Variants in OLFML2B observed in about 807,000 individuals in gnomAD.
The protein encoded by OLFML2B is olfactomedin-like protein 2B.
In OLFML2B, 57 loss-of-function variants were observed where a neutral mutation model predicts 74.9. That is an observed-to-expected ratio of 0.76 (90% CI 0.61 to 0.95). The LOEUF is 0.95. OLFML2B is among the 40% of genes least tolerant of loss of function. The probability of loss-of-function intolerance (pLI) is 0.00; values close to 1 mark genes in which losing one functional copy is unlikely to be tolerated. For synonymous variants in OLFML2B, 388 were observed against 405.8 expected, an observed-to-expected ratio of 0.96 and a Z score of 0.53; for missense variants, 986 against 970.6, an observed-to-expected ratio of 1.02 and a Z score of -0.21.
intron 3 of OLFML2B, among the ~76,000 whole-genome samples, chr1:162,013,706 T>C (rs1295685286): frequency 6.6e-6 from 1 of 152,112 alleles, no homozygotes; most frequent in Non-Finnish European, 1.5e-5. Flanking sequence ...GGAATGTCCA[T>C]AGGGCTATTC....
At chr1:162,015,145 A>G (rs1690495985) in intron 3 of OLFML2B, among the ~76,000 whole-genome samples, 1 of 152,234 alleles carries the variant, frequency 6.6e-6, no homozygotes, top group African/African-American at 2.4e-5. Flanking sequence ...ATTATTATTA[A>G]GGTCCAATCT....
intron 3 of OLFML2B, among the ~76,000 whole-genome samples, chr1:162,012,903 CTGTT>C (rs1342205090): frequency 3.9e-5 from 6 of 152,192 alleles, no homozygotes; most frequent in African/African-American, 1.4e-4. Flanking sequence ...ATCTGTCCCT[CTGTT>C]TGTCTTTTTC....
chr1:162,015,861 C>T (rs1418820121), intron 3 of OLFML2B, among the ~76,000 whole-genome samples: 6 of 152,154 alleles, frequency 3.9e-5, no homozygotes, highest in Admixed American at 3.9e-4. Context: ...GAGGCTGATG[C>T]GGTTCTGTTG....
chr1:161,998,474 G>C (rs1689988559), intron 5 of OLFML2B, 125 bp from the exon 6 acceptor site: 4 of 1,051,194 alleles, frequency 3.8e-6, no homozygotes, highest in Non-Finnish European at 5.5e-6. Context: ...TTGAGTTACA[G>C]AGGGGGCCTG....
intron 6 of OLFML2B, 172 bp from the exon 7 acceptor site, chr1:161,985,152 C>G (rs144866182): frequency 5.2e-5 from 30 of 581,038 alleles, no homozygotes; most frequent in African/African-American, 4.6e-4. Context: ...CCCTGATCCA[C>G]CCTACACTTG....
At chr1:162,009,963 C>T (rs1055619417) in intron 3 of OLFML2B, among the ~76,000 whole-genome samples, 3 of 152,244 alleles carry the variant, frequency 2.0e-5, no homozygotes, top group African/African-American at 7.2e-5. Flanking sequence ...AGGCTCTTCC[C>T]CCTGGGACAG....
chr1:161,998,442 T>A (rs1469068063), intron 5 of OLFML2B, 93 bp from the exon 6 acceptor site: 3 of 1,413,030 alleles, frequency 2.1e-6, no homozygotes, highest in Non-Finnish European at 2.9e-6. Flanking sequence ...AATTAGAGGG[T>A]GCCTTTCCTT....
At chr1:161,997,616 A>G (rs1689948757) in intron 6 of OLFML2B, among the ~76,000 whole-genome samples, 1 of 152,218 alleles carries the variant, frequency 6.6e-6, no homozygotes, top group African/African-American at 2.4e-5. Flanking sequence ...CTATTTTAGG[A>G]AAAAAGAGTC....
intron 1 of OLFML2B, among the ~76,000 whole-genome samples, chr1:162,021,612 G>A (rs2101982890): frequency 6.6e-6 from 1 of 152,318 alleles, no homozygotes; most frequent in Non-Finnish European, 1.5e-5. Flanking sequence ...GCAAAGATTG[G>A]GTTTCTTCTA....
chr1:161,991,638 A>G (rs559207305), intron 6 of OLFML2B, among the ~76,000 whole-genome samples: 1 of 152,326 alleles, frequency 6.6e-6, no homozygotes, highest in Non-Finnish European at 1.5e-5. Context: ...TGGGAGGCTG[A>G]GGCAGGAGAA....
At chr1:161,992,045 A>G (rs1257934523) in intron 6 of OLFML2B, among the ~76,000 whole-genome samples, 2 of 152,214 alleles carry the variant, frequency 1.3e-5, no homozygotes, top group East Asian at 3.9e-4. Flanking sequence ...CCTTCTTCCA[A>G]TGGATGGCTG....
intron 3 of OLFML2B, among the ~76,000 whole-genome samples, chr1:162,008,287 A>G (rs1423816700): frequency 6.6e-6 from 1 of 152,220 alleles, no homozygotes; most frequent in African/African-American, 2.4e-5. Context: ...TATTTTTCAT[A>G]TAATGTTACA....
Position 161,984,829 on chromosome 1 carries a change from G to A in OLFML2B, c.1626C>T (p.Phe542=), listed in dbSNP as rs901164269. The part of the protein sequence containing the change: ...NYYYGNTLVE[F]RNLENFKQGR... ...CTTGTTTGAAGTTCTCCAGGTTCCG[G>A]AACTCTACCAGGGTGTTGCCGTAGT... The change falls in exon 7 of 8, where the codon TTC becomes TTT. Residue 542 remains phenylalanine (F), a synonymous_variant. Transcript: ENST00000294794. The A allele has an allele frequency of 3.1e-6, 5 of 1,613,430 alleles. No individual in the cohort carries two copies. In the African/African-American group the frequency reaches 6.7e-5, roughly 22 times the overall value.
At position 161,984,016 on chromosome 1, in the gene OLFML2B, C is replaced by G; in HGVS notation, c.1912G>C (p.Asp638His). The change falls in exon 8 of 8, where the codon GAT becomes CAT. Residue 638 changes from aspartate to histidine, a missense_variant. Physicochemically the swap from Asp to His is moderately conservative, Grantham distance 81. Transcript: ENST00000294794. ...GLWLIYPALD[D>H]EGFSQEVIVL... Reference sequence around the variant, plus strand: ...ATGACCTCCTGGCTGAAGCCCTCATCGTCCAGGGCCGGGTAGATGAGCCAT... The same window carrying G: ...ATGACCTCCTGGCTGAAGCCCTCATGGTCCAGGGCCGGGTAGATGAGCCAT... 1 of 1,614,196 alleles carries G rather than the reference C, an allele frequency of 6.2e-7. No homozygotes were observed. Among genetic ancestry groups the G allele is most frequent in the Non-Finnish European group, 8.5e-7 (1 of 1,180,048 alleles).
chr1:162,011,043 G>C (rs1012773165), intron 3 of OLFML2B, among the ~76,000 whole-genome samples: 1 of 152,136 alleles, frequency 6.6e-6, no homozygotes, highest in Non-Finnish European at 1.5e-5. Context: ...GCCAGGGTTT[G>C]GTATGGCTGG....
intron 2 of OLFML2B, among the ~76,000 whole-genome samples, chr1:162,018,269 C>T (rs1363929801): frequency 6.6e-6 from 1 of 152,134 alleles, no homozygotes; most frequent in African/African-American, 2.4e-5. Flanking sequence ...TGCACATGTA[C>T]CCCTGAACCT....
At chr1:162,022,819 C>T (rs1186655426) in intron 1 of OLFML2B, among the ~76,000 whole-genome samples, 1 of 152,144 alleles carries the variant, frequency 6.6e-6, no homozygotes, top group Admixed American at 6.5e-5. Context: ...TCTGACTTCA[C>T]CCCATGCTCC....
At chr1:162,017,636 GA>G (rs2101979031) in intron 2 of OLFML2B, 129 bp from the exon 3 acceptor site, 2 of 632,704 alleles carry the variant, frequency 3.2e-6, no homozygotes, top group East Asian at 5.4e-5. Context: ...GTTGCCGTGA[GA>G]AACACATTTG....
chr1:161,994,009 A>C (rs900169167), intron 6 of OLFML2B, among the ~76,000 whole-genome samples: 1 of 152,214 alleles, frequency 6.6e-6, no homozygotes, highest in African/African-American at 2.4e-5. Context: ...AAAGGCTTAG[A>C]CTTCAGTCCT....
Sources: gnomAD v4.1 joint callset for allele counts (sites outside exome capture counted in the v4.1 genomes callset) on GRCh38, gnomAD v4.1.1 for gene constraint, MANE v1.5 for transcripts, NCBI Gene and HGNC (gene_info 2026-07-23, HGNC 2026-07-21) for gene names.